AKT3: variants seen among roughly 807,000 people sequenced by gnomAD.
The protein encoded by AKT3 is RAC-gamma serine/threonine-protein kinase.
A neutral mutation model predicts 65.3 loss-of-function variants in AKT3; 15 were observed. The ratio of observed to expected loss-of-function variants is 0.23; its 90% confidence interval spans 0.15 to 0.35. The LOEUF (loss-of-function observed/expected upper bound fraction) is 0.35, where lower values mean the gene tolerates loss of function less well. AKT3 is among the 10% of genes least tolerant of loss of function. The probability of loss-of-function intolerance (pLI) is 1.00; values close to 1 mark genes in which losing one functional copy is unlikely to be tolerated. For missense variants in AKT3, 243 were observed against 576.5 expected, an observed-to-expected ratio of 0.42 and a Z score of 5.92; for synonymous variants, 206 against 183.8, an observed-to-expected ratio of 1.12 and a Z score of -0.98.
At chr1:243,589,746 C>T (rs777383932) in intron 8 of AKT3, among the ~76,000 whole-genome samples, 22 of 152,276 alleles carry the variant, frequency 1.4e-4, no homozygotes, top group Non-Finnish European at 2.8e-4. Flanking sequence ...CTCCCACATA[C>T]ACTGTAGCAT....
chr1:243,849,210 G>A (rs767213920), intron 1 of AKT3, among the ~76,000 whole-genome samples: 2 of 152,188 alleles, frequency 1.3e-5, no homozygotes, highest in Non-Finnish European at 2.9e-5. Flanking sequence ...GGAAGAGGCT[G>A]GTCTGTTTAC....
chr1:243,589,756 T>A (rs768362959), intron 8 of AKT3, among the ~76,000 whole-genome samples: 1 of 152,200 alleles, frequency 6.6e-6, no homozygotes, highest in East Asian at 1.9e-4. Flanking sequence ...CACTGTAGCA[T>A]TATTCACTGT....
chr1:243,561,638 G>A (rs752724798), intron 10 of AKT3, among the ~76,000 whole-genome samples: 7 of 152,118 alleles, frequency 4.6e-5, no homozygotes, highest in Non-Finnish European at 8.8e-5. Flanking sequence ...CATAGTAGAT[G>A]CTCATTAAAT....
intron 2 of AKT3, among the ~76,000 whole-genome samples, chr1:243,786,307 C>T (rs1691258296): frequency 6.6e-6 from 1 of 152,168 alleles, no homozygotes; most frequent in African/African-American, 2.4e-5. Context: ...CAAATCCAGT[C>T]ATCCCATAAT....
chr1:243,770,725 T>C (rs955664685), intron 2 of AKT3, among the ~76,000 whole-genome samples: 1 of 134,264 alleles, frequency 7.4e-6, no homozygotes, highest in Non-Finnish European at 1.7e-5. Context: ...CTGGAGATTA[T>C]TCTAAATAGA....
intron 5 of AKT3, among the ~76,000 whole-genome samples, chr1:243,642,381 C>G (rs531132195): frequency 6.6e-6 from 1 of 152,244 alleles, no homozygotes; most frequent in African/African-American, 2.4e-5. Flanking sequence ...ACGATCTCGG[C>G]TCACTGCAAG....
intron 8 of AKT3, among the ~76,000 whole-genome samples, chr1:243,595,361 G>C (rs1676528310): frequency 6.6e-6 from 1 of 152,196 alleles, no homozygotes; most frequent in Non-Finnish European, 1.5e-5. Flanking sequence ...GAGTGAGTGA[G>C]TGGCGAGTGA....
intron 2 of AKT3, among the ~76,000 whole-genome samples, chr1:243,733,016 G>A (rs1175117567): frequency 6.6e-6 from 1 of 152,220 alleles, no homozygotes; most frequent in Non-Finnish European, 1.5e-5. Context: ...ACTGTTAGAA[G>A]TACTTTGAAA....
rs143976837 is a variant in AKT3 at position 243,778,111 on chromosome 1, G to A, written c.46+65014C>T. On this transcript the variant is annotated intron_variant, in intron 2 of 13. Transcript: ENST00000673466. Reference sequence around the variant, plus strand: ...ACTTAGTACACTCTCTCTTATGTTAGTTGCATTCCTGCATGTCTCCATTAA... The same window carrying A: ...ACTTAGTACACTCTCTCTTATGTTAATTGCATTCCTGCATGTCTCCATTAA... Among the ~76,000 whole-genome samples the A allele has an allele frequency of 3.7e-4, 57 of 152,156 alleles. No individual in the cohort carries two copies. The East Asian group carries it at 0.01, about 28-fold the overall frequency.
chr1:243,523,074 G>A (rs1670821518), intron 12 of AKT3, among the ~76,000 whole-genome samples: 1 of 152,078 alleles, frequency 6.6e-6, no homozygotes, highest in Non-Finnish European at 1.5e-5. Context: ...TCAATTTGAG[G>A]CATAGGGGCA....
intron 2 of AKT3, among the ~76,000 whole-genome samples, chr1:243,815,020 G>A (rs1302132375): frequency 2.0e-5 from 3 of 152,094 alleles, no homozygotes; most frequent in Admixed American, 6.6e-5. Context: ...GGTCTTAAAG[G>A]ACATTAAAGT....
At chr1:243,567,510 T>TA (rs1405068289) in intron 9 of AKT3, among the ~76,000 whole-genome samples, 1 of 142,520 alleles carries the variant, frequency 7.0e-6, no homozygotes, top group Non-Finnish European at 1.5e-5. Flanking sequence ...TTTTTTTTTT[T>TA]AAGAGATGGT....
At position 243,701,460 on chromosome 1, in the gene AKT3, GC is replaced by G. The variant is rs749478684; in HGVS notation, c.47-5745del. 1.8e-3 allele frequency among the ~76,000 whole-genome samples: 270 copies of G among 152,208 alleles called. 6 individuals carry two copies. The highest frequency in any genetic ancestry group is 1.9e-3 in the East Asian group (10 of 5,178). On this transcript the variant is annotated intron_variant, in intron 2 of 13. Transcript: ENST00000673466. Reference sequence around the variant, plus strand: ...TCTACCTTCAACTGTCATGGACTATGCTAAAAACACAATCGGGTAGATTCAC... The same window carrying G: ...TCTACCTTCAACTGTCATGGACTATGTAAAAACACAATCGGGTAGATTCAC...
intron 12 of AKT3, among the ~76,000 whole-genome samples, chr1:243,514,368 A>G (rs1219633296): frequency 6.6e-6 from 1 of 152,138 alleles, no homozygotes; most frequent in Admixed American, 6.5e-5. Flanking sequence ...TTTTCAAAAG[A>G]TTATAGGGGA....
chr1:243,850,737 C>G (rs1261991187), upstream of AKT3, among the ~76,000 whole-genome samples: 1 of 151,934 alleles, frequency 6.6e-6, no homozygotes, highest in African/African-American at 2.4e-5. Flanking sequence ...GGCCCTCGTC[C>G]TCAGGCTTCC....
intron 13 of AKT3, among the ~76,000 whole-genome samples, chr1:243,492,458 C>T (rs376403754): frequency 6.6e-6 from 1 of 151,624 alleles, no homozygotes; most frequent in Non-Finnish European, 1.5e-5. Flanking sequence ...CCCACCACCA[C>T]ACCTAGCTAA....
At chr1:243,506,120 G>GCCACT (rs1669649525) in intron 13 of AKT3, among the ~76,000 whole-genome samples, 1 of 152,242 alleles carries the variant, frequency 6.6e-6, no homozygotes, top group African/African-American at 2.4e-5. Flanking sequence ...CACGTGGTCA[G>GCCACT]CCACTCAGTC....
Position 243,623,301 on chromosome 1 carries a change from T to G in AKT3, c.562-8140A>C, listed in dbSNP as rs538162716. Among the ~76,000 whole-genome samples, 7 of 152,314 alleles carry G rather than the reference T, an allele frequency of 4.6e-5. No homozygotes were observed. In the East Asian group the frequency reaches 1.2e-3, roughly 25 times the overall value. The stretch of plus-strand genomic sequence containing the variant: ...GACACCAAGGCTCAGGTAAGCTTCT[T>G]TAGTTGACAACACTTCACTACTGGG... On this transcript the variant is annotated intron_variant, in intron 6 of 13. Transcript: ENST00000673466.
chr1:243,540,594 A>G (rs886515486), intron 12 of AKT3, among the ~76,000 whole-genome samples: 20 of 152,170 alleles, frequency 1.3e-4, no homozygotes, highest in African/African-American at 4.8e-4. Flanking sequence ...GTATAGCCAT[A>G]GTATGAATAT....
Sources: allele counts gnomAD v4.1 joint callset (sites outside exome capture counted in the v4.1 genomes callset), GRCh38; gene constraint gnomAD v4.1.1; transcripts MANE v1.5; gene names NCBI Gene and HGNC (gene_info 2026-07-23, HGNC 2026-07-21).